LAMA3: variants seen among roughly 807,000 people sequenced by gnomAD.
LAMA3 encodes the protein laminin subunit alpha-3.
LAMA3 carries 281 observed loss-of-function variants against 402.0 expected under a neutral mutation model. That is an observed-to-expected ratio of 0.70 (90% CI 0.63 to 0.77). LAMA3 has a LOEUF of 0.77. Ranked by LOEUF, LAMA3 falls within the 30% of genes least tolerant of loss-of-function variation. The pLI is 0.00. For synonymous variants in LAMA3, 1,431 were observed against 1,558.4 expected (o/e 0.92, Z 1.93); for missense variants, 3,840 against 4,215.5 (o/e 0.91, Z 2.47).
Position 23,814,470 on chromosome 18 carries a change from A to G in LAMA3, c.1856A>G (p.Asn619Ser), listed in dbSNP as rs745388515. ...TCSRCKLLYW[N>S]LDKENPSGCS... ...AGCCGCTGCAAACTGTTATATTGGAATCTGGACAAAGAAAACCCCAGTGGA... is the reference window on the plus strand; with the variant it reads ...AGCCGCTGCAAACTGTTATATTGGAGTCTGGACAAAGAAAACCCCAGTGGA... Residue 619 changes from asparagine to serine, a missense_variant, in exon 15 of 75, where the codon AAT becomes AGT. Physicochemically the swap from Asn to Ser is conservative, Grantham distance 46. Transcript: ENST00000313654. The G allele has an allele frequency of 1.2e-6, 2 of 1,613,840 alleles. No individual in the cohort carries two copies. Among genetic ancestry groups the G allele is most frequent in the Admixed American group, 3.3e-5 (2 of 60,022 alleles).
At chr18:23,894,862 C>T (rs377157932) in intron 43 of LAMA3, 45 bp from the exon 44 acceptor site, 50 of 1,613,354 alleles carry the variant, frequency 3.1e-5, no homozygotes, top group Non-Finnish European at 4.2e-5. Flanking sequence ...CGCAGTCCCA[C>T]GGCTCCCCCC....
intron 2 of LAMA3, among the ~76,000 whole-genome samples, chr18:23,727,155 T>C (rs1276958959): frequency 1.3e-5 from 2 of 152,228 alleles, no homozygotes; most frequent in African/African-American, 4.8e-5. Context: ...ATGAATTCTT[T>C]GCCTAGGCCA....
chr18:23,856,954 G>C (rs2064094966), intron 32 of LAMA3, among the ~76,000 whole-genome samples: 1 of 151,910 alleles, frequency 6.6e-6, no homozygotes, highest in Non-Finnish European at 1.5e-5. Flanking sequence ...TCACCCTCTG[G>C]GCTCCATCCT....
At chr18:23,833,611 T>C (rs888191480) in intron 23 of LAMA3, among the ~76,000 whole-genome samples, 1 of 152,204 alleles carries the variant, frequency 6.6e-6, no homozygotes, top group African/African-American at 2.4e-5. Flanking sequence ...AAATAAACAA[T>C]AAATAATTGT....
intron 72 of LAMA3, 67 bp from the exon 73 acceptor site, chr18:23,951,617 G>T: frequency 7.9e-7 from 1 of 1,271,736 alleles, no homozygotes; most frequent in Non-Finnish European, 1.1e-6. Flanking sequence ...GGGGAGGGAA[G>T]ATGGCAGGGG....
At chr18:23,690,824 T>C (rs553237363) in intron 1 of LAMA3, among the ~76,000 whole-genome samples, 1 of 150,866 alleles carries the variant, frequency 6.6e-6, no homozygotes, top group Admixed American at 6.6e-5. Flanking sequence ...TCGCCGGGGC[T>C]GAAATGCAAT....
At chr18:23,835,917 A>G (rs547355698) in intron 24 of LAMA3, among the ~76,000 whole-genome samples, 1 of 152,334 alleles carries the variant, frequency 6.6e-6, no homozygotes, top group African/African-American at 2.4e-5. Flanking sequence ...TTTTCAAAGT[A>G]GTGCTGTGAT....
At chr18:23,866,356 C>T (rs547287523) in intron 36 of LAMA3, among the ~76,000 whole-genome samples, 68 of 152,298 alleles carry the variant, frequency 4.5e-4, no homozygotes, top group African/African-American at 1.3e-3. Flanking sequence ...GTACTGTATA[C>T]AGGGACCAGC....
intron 8 of LAMA3, among the ~76,000 whole-genome samples, chr18:23,772,189 G>T (rs975469531): frequency 6.6e-6 from 1 of 152,020 alleles, no homozygotes; most frequent in Admixed American, 6.6e-5. Context: ...TTACAGGTGT[G>T]TGCCACCATG....
chr18:23,903,958 T>G lies in LAMA3; in HGVS notation c.6344T>G (p.Leu2115Ter). 1 of 1,613,558 alleles carries G rather than the reference T, an allele frequency of 6.2e-7. No individual in the cohort carries two copies. The highest frequency in any genetic ancestry group is 8.5e-7 in the Non-Finnish European group (1 of 1,179,598). Residue 2115 changes from leucine (L) to a stop codon, truncating the protein, a stop_gained, in exon 50 of 75, where the codon TTA (leucine) becomes TGA (stop). Transcript: ENST00000313654. LOFTEE classifies it high-confidence loss of function. ...GAATATGAAAAATTAGCTGCCAGTTTAAATGAAGCAAGACAAGAACTAAGT... is the reference window on the plus strand; with the variant it reads ...GAATATGAAAAATTAGCTGCCAGTTGAAATGAAGCAAGACAAGAACTAAGT... ...QKEYEKLAASLNEARQELSDK... is the reference protein window; with the variant it reads ...QKEYEKLAAS
chr18:23,875,088 C>T (rs2064662367), intron 38 of LAMA3, among the ~76,000 whole-genome samples: 1 of 152,134 alleles, frequency 6.6e-6, no homozygotes, highest in South Asian at 2.1e-4. Flanking sequence ...TGATCTCGAA[C>T]TCCTGGGCTC....
In LAMA3 at chr18:23,689,586, A is replaced by T; in HGVS notation, c.-98A>T. On this transcript the variant is annotated 5_prime_UTR_variant, in exon 1 of 75. Transcript: ENST00000313654. ...CGCCGCCCATATCCCCGGCTGCGCT[A>T]GTCCTGGCGCTGCAGGTCCGGGAGG... 8.8e-7 allele frequency: 1 copy of T among 1,133,842 alleles called. No individual in the cohort carries two copies. Among genetic ancestry groups the T allele is most frequent in the Non-Finnish European group, 1.1e-6 (1 of 902,040 alleles). 70.2% of individuals were successfully genotyped at this position (1,133,842 alleles called of 1,614,324 possible). A position where few individuals can be genotyped will look rare whatever the true frequency, so the allele number is the denominator to read the frequency against.
rs1002320664 is a variant in LAMA3, at chr18:23,918,005, T to G, written c.7923+1310T>G. 8.6e-5 allele frequency among the ~76,000 whole-genome samples: 13 copies of G among 150,614 alleles called. No homozygotes were observed. Among genetic ancestry groups the G allele is most frequent in the Non-Finnish European group, 4.4e-5 (3 of 67,782 alleles). On this transcript the variant is annotated intron_variant, in intron 60 of 74. Transcript: ENST00000313654. The surrounding 1 kb of genome is among the most constrained non-coding windows in gnomAD (Gnocchi z 4.1). ...GTCTAGAATAGGTTTTCTTCAAGGG[T>G]TTTTTTTTATAGTTTTAGGTTTTAC...
Position 23,918,779 on chromosome 18 carries a change from C to T in LAMA3, c.7923+2084C>T, listed in dbSNP as rs1277635061. Among the ~76,000 whole-genome samples, 2 of 152,052 alleles carry T rather than the reference C, an allele frequency of 1.3e-5. No individual in the cohort carries two copies. The highest frequency in any genetic ancestry group is 1.3e-4 in the Admixed American group (2 of 15,254). On this transcript the variant is annotated intron_variant, in intron 60 of 74. Coordinates refer to ENST00000313654, the MANE Select transcript of LAMA3 (RefSeq NM_198129.4). The surrounding 1 kb of genome is among the most constrained non-coding windows in gnomAD (Gnocchi z 4.1). ...TGAGCCCAAAGGCTTTCTGGTGGTC[C>T]GAGAACATGGGATTGATAAGGAGCT...
chr18:23,908,933 C>G (rs1452381037), intron 54 of LAMA3, among the ~76,000 whole-genome samples: 1 of 152,092 alleles, frequency 6.6e-6, no homozygotes, highest in Non-Finnish European at 1.5e-5. Context: ...TGGAATTTTT[C>G]TTTTTTAATA....
chr18:23,815,366 GC>G (rs1271722674), intron 16 of LAMA3, 101 bp from the exon 17 acceptor site: 1 of 1,347,600 alleles, frequency 7.4e-7, no homozygotes, highest in Non-Finnish European at 1.1e-6. Flanking sequence ...CCAGATCCTG[GC>G]TACACTGCTT....
In LAMA3 at chr18:23,943,956, T is replaced by A. The variant is rs764427229; in HGVS notation, c.9195T>A (p.Asp3065Glu). 2.5e-6 allele frequency: 4 copies of A among 1,614,042 alleles called. No homozygotes were observed. Among genetic ancestry groups the A allele is most frequent in the Non-Finnish European group, 3.4e-6 (4 of 1,179,946 alleles). Residue 3065 changes from aspartate (D) to glutamate (E), a missense_variant, in exon 69 of 75, where the codon GAT becomes GAA. By Grantham distance (45) the Asp-to-Glu change is conservative. Around this residue, in one of 3 missense-constraint regions of LAMA3, gnomAD observed 840 missense variants for 981.9 expected, o/e 0.86. Transcript: ENST00000313654. ...LRIKSKEKCN[D>E]GKWHTVVFGH... is the part of the protein sequence containing the mutation. ...TCAAAAGCAAGGAGAAATGCAATGA[T>A]GGGAAATGGCACACGGTAAGAGCTG...
chr18:23,812,584 T>C (rs893629342), intron 13 of LAMA3, among the ~76,000 whole-genome samples: 4 of 152,214 alleles, frequency 2.6e-5, no homozygotes, highest in Non-Finnish European at 5.9e-5. Context: ...TGGTTTGTAG[T>C]GTTATACTAA....
Position 23,773,551 on chromosome 18 carries a change from T to C in LAMA3, c.1237T>C (p.Tyr413His), listed in dbSNP as rs1301582381. 3.8e-6 allele frequency: 6 copies of C among 1,598,362 alleles called. No homozygotes were observed. Among genetic ancestry groups the C allele is most frequent in the Non-Finnish European group, 5.1e-6 (6 of 1,170,502 alleles). Residue 413 changes from tyrosine to histidine, a missense_variant, in exon 9 of 75, where the codon TAT becomes CAT. This residue lies in a region of LAMA3 where 2,109 missense variants were observed against 2,376.0 expected (regional missense o/e 0.89). Coordinates refer to ENST00000313654, the MANE Select transcript of LAMA3 (RefSeq NM_198129.4). ...EQCAKGYYRP[Y>H]GVPVDAPDGC... The stretch of plus-strand genomic sequence containing the variant: ...GTGTGCTAAGGGCTATTACCGCCCT[T>C]ATGGGGTTCCAGTGGATGCCCCTGA...
Sources: allele counts gnomAD v4.1 joint callset (sites outside exome capture counted in the v4.1 genomes callset), GRCh38; gene constraint gnomAD v4.1.1; regional missense constraint gnomAD v4.1.1; non-coding constraint Gnocchi (gnomAD v3.1); transcripts MANE v1.5; gene names NCBI Gene and HGNC (gene_info 2026-07-23, HGNC 2026-07-21).